VWF: variants seen among roughly 807,000 people sequenced by gnomAD.
The protein encoded by VWF is Factor VIII related antigen.
VWF carries 176 observed loss-of-function variants against 308.6 expected under a neutral mutation model. That is an observed-to-expected ratio of 0.57 (90% confidence interval 0.50 to 0.65). The LOEUF is 0.65. Ranked by LOEUF, VWF falls within the 30% of genes least tolerant of loss-of-function variation. VWF has a pLI of 0.00. For missense variants in VWF, 3,146 were observed against 3,648.2 expected (o/e 0.86, Z 3.55); for synonymous variants, 1,385 against 1,443.4 (o/e 0.96, Z 0.92).
At chr12:6,042,639 G>A (rs541727343) in intron 18 of VWF, among the ~76,000 whole-genome samples, 85 of 152,336 alleles carry the variant, frequency 5.6e-4, no homozygotes, top group African/African-American at 1.8e-3. Flanking sequence ...ACCTCGTCAC[G>A]TGACAGGTAT....
chr12:6,023,576 T>C (rs1301925061), intron 25 of VWF, 55 bp downstream of exon 25: 5 of 1,609,640 alleles, frequency 3.1e-6, no homozygotes, highest in South Asian at 2.2e-5. Context: ...TCTTCAAGCA[T>C]AGACACATGG....
intron 47 of VWF, among the ~76,000 whole-genome samples, chr12:5,964,774 A>C (rs999633998): frequency 6.6e-6 from 1 of 152,246 alleles, no homozygotes; most frequent in Non-Finnish European, 1.5e-5. Context: ...TCCCCACAGC[A>C]GGAGGCAGAG....
chr12:6,002,004 CAGAT>C (rs1445230740), intron 34 of VWF, among the ~76,000 whole-genome samples: 31 of 151,886 alleles, frequency 2.0e-4, no homozygotes, highest in Non-Finnish European at 4.4e-5. Flanking sequence ...ACAATAAAAA[CAGAT>C]AGTACAGAAT....
At chr12:5,971,511 G>T in intron 44 of VWF, 88 bp downstream of exon 44, 1 of 1,071,636 alleles carries the variant, frequency 9.3e-7, no homozygotes, top group Non-Finnish European at 1.4e-6. Flanking sequence ...AAAGCAAAGG[G>T]CAGGGAATGA....
In VWF at chr12:5,981,820, C is replaced by T. The variant is rs780157825; in HGVS notation, c.7253G>A (p.Cys2418Tyr). 3 of 1,614,156 alleles carry T rather than the reference C, an allele frequency of 1.9e-6. No individual in the cohort carries two copies. The highest frequency in any genetic ancestry group is 2.2e-5 in the South Asian group (2 of 91,082). Residue 2418 changes from cysteine (C) to tyrosine (Y), a missense_variant, in exon 42 of 52, where the codon TGT becomes TAT. Physicochemically the swap from Cys to Tyr is radical, Grantham distance 194. This residue lies in a region of VWF where 989 missense variants were observed against 1,117.4 expected (regional missense o/e 0.89). Coordinates refer to ENST00000261405, the MANE Select transcript of VWF (RefSeq NM_000552.5). Reference sequence around the variant, plus strand: ...AAGGCAGGTGGTTGTGGTACAGCCACAGTCATTGGTGGCAGTTGAGGCCAA... The same window carrying T: ...AAGGCAGGTGGTTGTGGTACAGCCATAGTCATTGGTGGCAGTTGAGGCCAA... ...GYLASTATND[C>Y]GCTTTTCLPD...
chr12:5,957,013 T>C (rs1253549333), intron 47 of VWF, among the ~76,000 whole-genome samples: 2 of 152,232 alleles, frequency 1.3e-5, no homozygotes, highest in Non-Finnish European at 2.9e-5. Flanking sequence ...AAGTGCCCTA[T>C]ACAGTATGTC....
chr12:6,003,383 A>C (rs964690485), intron 34 of VWF, among the ~76,000 whole-genome samples: 3 of 152,180 alleles, frequency 2.0e-5, no homozygotes, highest in African/African-American at 7.2e-5. Flanking sequence ...ACCAAAGTTG[A>C]GCTGGTATAA....
chr12:5,952,742 G>A (rs748908877), intron 48 of VWF, among the ~76,000 whole-genome samples: 8 of 152,146 alleles, frequency 5.3e-5, no homozygotes, highest in Non-Finnish European at 8.8e-5. Context: ...AGACTCTTCC[G>A]ACCAGTTAAA....
intron 3 of VWF, among the ~76,000 whole-genome samples, chr12:6,112,487 C>T (rs1945318217): frequency 6.6e-6 from 1 of 152,078 alleles, no homozygotes; most frequent in Non-Finnish European, 1.5e-5. Flanking sequence ...TAGGGGCAGC[C>T]AGAGAAAACA....
intron 3 of VWF, among the ~76,000 whole-genome samples, chr12:6,113,718 G>A (rs578013742): frequency 8.5e-5 from 13 of 152,132 alleles, no homozygotes; most frequent in African/African-American, 2.4e-4. Context: ...AGAAAATGTC[G>A]AAAAACCAAA....
intron 47 of VWF, 58 bp downstream of exon 47, chr12:5,967,428 T>C (rs1591834785): frequency 1.4e-6 from 2 of 1,427,672 alleles, no homozygotes; most frequent in East Asian, 4.5e-5. Flanking sequence ...GAGGTCCCAC[T>C]GCCTGGGTCC....
At chr12:5,970,052 G>C (rs1207176290) in intron 44 of VWF, among the ~76,000 whole-genome samples, 2 of 152,124 alleles carry the variant, frequency 1.3e-5, no homozygotes, top group African/African-American at 2.4e-5. Flanking sequence ...TACTTCTCCT[G>C]GTGCCTGCTT....
chr12:6,019,534 A>G lies in VWF; in HGVS notation c.3884T>C (p.Val1295Ala), dbSNP rs746438161. Residue 1295 changes from valine to alanine, a missense_variant, in exon 28 of 52, where the codon GTG becomes GCG. Around this residue, in one of 3 missense-constraint regions of VWF, gnomAD observed 853 missense variants for 1,177.8 expected, o/e 0.72. Coordinates refer to ENST00000261405, the MANE Select transcript of VWF (RefSeq NM_000552.5). This position sits in a 1 kb window ranked among gnomAD's most constrained non-coding sequence, Gnocchi z 5.8. ...CATGTCCACCACAAAGGCCTTCAGC[A>G]CTTCAAACTCAGCCTCGGACAGCCT... Reference protein sequence around the residue: ...SSRLSEAEFEVLKAFVVDMME... With the variant: ...SSRLSEAEFEALKAFVVDMME... 2.5e-6 allele frequency: 4 copies of G among 1,613,978 alleles called. No homozygotes were observed. In the Middle Eastern group the frequency reaches 5.0e-4, roughly 200 times the overall value.
rs752176819 is a variant in VWF, at chr12:6,031,548, G to A, written c.2716C>T (p.Arg906Trp). 26 of 1,613,984 alleles carry A rather than the reference G, an allele frequency of 1.6e-5. No individual in the cohort carries two copies. Among genetic ancestry groups the A allele is most frequent in the African/African-American group, 1.3e-4 (10 of 74,908 alleles). The change falls in exon 21 of 52, where the codon CGG becomes TGG. Residue 906 changes from arginine to tryptophan, a missense_variant. By Grantham distance (101) the Arg-to-Trp change is moderately radical. This residue lies in a region of VWF where 1,304 missense variants were observed against 1,353.0 expected (regional missense o/e 0.96). Transcript: ENST00000261405. Reference sequence around the variant, plus strand: ...CATCCCTTATTCCCCACTAGGATCCGAAAGGTCCCAGGGTTACTGCCGCAG... The same window carrying A: ...CATCCCTTATTCCCCACTAGGATCCAAAAGGTCCCAGGGTTACTGCCGCAG... Reference protein sequence around the residue: ...DYCGSNPGTFRILVGNKGCSH... With the variant: ...DYCGSNPGTFWILVGNKGCSH...
At chr12:6,056,770 AAAC>A in intron 15 of VWF, 84 bp downstream of exon 15, 1 of 1,184,276 alleles carries the variant, frequency 8.4e-7, no homozygotes, top group Non-Finnish European at 1.1e-6. Context: ...TTTCCACAGG[AAAC>A]AACGCAGAGA....
intron 37 of VWF, among the ~76,000 whole-genome samples, chr12:5,992,913 G>C (rs1053580169): frequency 1.3e-5 from 2 of 152,220 alleles, no homozygotes; most frequent in Non-Finnish European, 2.9e-5. Flanking sequence ...TTGATTTGCA[G>C]GCTGATTGGG....
chr12:5,988,170 A>G (rs1460712543), intron 38 of VWF, among the ~76,000 whole-genome samples: 1 of 152,198 alleles, frequency 6.6e-6, no homozygotes, highest in Non-Finnish European at 1.5e-5. Flanking sequence ...AAAGGCACAG[A>G]CGAAGGAACA....
chr12:6,001,764 A>T (rs928551310), intron 34 of VWF, among the ~76,000 whole-genome samples: 5 of 152,198 alleles, frequency 3.3e-5, no homozygotes, highest in African/African-American at 1.2e-4. Flanking sequence ...GGTGACAGGA[A>T]GAGAGCGAGG....
chr12:6,114,748 T>C (rs1582297), intron 3 of VWF, among the ~76,000 whole-genome samples: 101,159 of 152,036 alleles, frequency 0.67, 34,636 homozygotes, highest in African/African-American at 0.82. Flanking sequence ...GGGCTGAGCC[T>C]GTGTGAGGCA....
Sources: allele counts gnomAD v4.1 joint callset (sites outside exome capture counted in the v4.1 genomes callset), GRCh38; gene constraint gnomAD v4.1.1; regional missense constraint gnomAD v4.1.1; non-coding constraint Gnocchi (gnomAD v3.1); transcripts MANE v1.5; gene names NCBI Gene and HGNC (gene_info 2026-07-23, HGNC 2026-07-21).